Variants in KCND3 observed in about 807,000 individuals in gnomAD.
KCND3 encodes the protein A-type voltage-gated potassium channel KCND3.
Under a neutral mutation model 51.1 loss-of-function variants are expected in KCND3, and 9 were observed. That is an observed-to-expected ratio of 0.18 (90% confidence interval 0.11 to 0.31). The LOEUF (loss-of-function observed/expected upper bound fraction) is 0.31, where lower values mean the gene tolerates loss of function less well. Ranked by LOEUF, KCND3 falls within the 10% of genes least tolerant of loss-of-function variation. The pLI, the probability that KCND3 is intolerant of heterozygous loss-of-function variation, is 1.00. For missense variants in KCND3, 526 were observed against 903.8 expected, an observed-to-expected ratio of 0.58 and a Z score of 5.36; for synonymous variants, 349 against 368.0, an observed-to-expected ratio of 0.95 and a Z score of 0.59.
At chr1:111,971,870 G>T (rs922296088) in intron 2 of KCND3, among the ~76,000 whole-genome samples, 2 of 152,114 alleles carry the variant, frequency 1.3e-5, no homozygotes, top group African/African-American at 4.8e-5. Context: ...CTCTTCCGGG[G>T]TGTCATTCCA....
chr1:111,790,976 A>G (rs1664801658), intron 2 of KCND3, among the ~76,000 whole-genome samples: 1 of 152,208 alleles, frequency 6.6e-6, no homozygotes, highest in African/African-American at 2.4e-5. Context: ...TCATCAGTTG[A>G]TGACATTTGG....
At chr1:111,792,810 C>T (rs1285306627) in intron 2 of KCND3, among the ~76,000 whole-genome samples, 1 of 151,488 alleles carries the variant, frequency 6.6e-6, no homozygotes, top group Non-Finnish European at 1.5e-5. Context: ...TCCAGACCAC[C>T]ATACTTTCTA....
At chr1:111,963,207 T>A (rs908896626) in intron 2 of KCND3, among the ~76,000 whole-genome samples, 2 of 152,234 alleles carry the variant, frequency 1.3e-5, no homozygotes, top group African/African-American at 4.8e-5. Flanking sequence ...TAAATGTTTA[T>A]GATTTAAGCC....
chr1:111,948,556 C>T (rs1156979152), intron 2 of KCND3, among the ~76,000 whole-genome samples: 2 of 152,114 alleles, frequency 1.3e-5, no homozygotes, highest in Non-Finnish European at 2.9e-5. Context: ...CTTTTTTCCC[C>T]CTGGGTTGGA....
chr1:111,878,814 C>T (rs1322600852), intron 2 of KCND3, among the ~76,000 whole-genome samples: 1 of 152,164 alleles, frequency 6.6e-6, no homozygotes, highest in African/African-American at 2.4e-5. Flanking sequence ...GTCAAGGCCA[C>T]AGGGTGCCCA....
chr1:111,886,409 A>G (rs1014861469), intron 2 of KCND3, among the ~76,000 whole-genome samples: 2 of 152,220 alleles, frequency 1.3e-5, no homozygotes, highest in African/African-American at 4.8e-5. Flanking sequence ...AAACCATGAA[A>G]AATATGGGGA....
At chr1:111,985,978 T>C (rs1045820124) in intron 1 of KCND3, among the ~76,000 whole-genome samples, 1 of 152,196 alleles carries the variant, frequency 6.6e-6, no homozygotes, top group African/African-American at 2.4e-5. Context: ...CAGTGGGTAA[T>C]CCACATGCTA....
chr1:111,985,300 C>T (rs1675211370), intron 1 of KCND3, among the ~76,000 whole-genome samples: 1 of 152,102 alleles, frequency 6.6e-6, no homozygotes, highest in South Asian at 2.1e-4. Flanking sequence ...CACTGTAGGC[C>T]ATGTTTTGCC....
Position 111,778,330 on chromosome 1 carries a change from TCAG to T in KCND3, c.1518+103_1518+105del. The T allele has an allele frequency of 1.1e-5, 11 of 1,037,204 alleles. No individual in the cohort carries two copies. In the Middle Eastern group the frequency reaches 8.1e-4, roughly 76 times the overall value. 64.3% of individuals were successfully genotyped at this position (1,037,204 alleles called of 1,614,324 possible). The stretch of plus-strand genomic sequence containing the variant: ...AGAGGTAGGAGGAGCCCCAGAAGAA[TCAG>T]CAGCACATGCACAGAACCAGGCCGG... On this transcript the variant is annotated intron_variant, in intron 6 of 7. Coordinates refer to ENST00000302127, the MANE Select transcript of KCND3 (RefSeq NM_001378969.1).
intron 2 of KCND3, among the ~76,000 whole-genome samples, chr1:111,893,948 C>T (rs1669978962): frequency 6.6e-6 from 1 of 152,188 alleles, no homozygotes; most frequent in African/African-American, 2.4e-5. Flanking sequence ...CCCCATCACT[C>T]AGACACTGCA....
intron 2 of KCND3, among the ~76,000 whole-genome samples, chr1:111,943,668 C>T (rs1672640241): frequency 6.6e-6 from 1 of 152,140 alleles, no homozygotes; most frequent in Non-Finnish European, 1.5e-5. Flanking sequence ...CAGTCCCGAG[C>T]CTAGATGGGA....
intron 2 of KCND3, among the ~76,000 whole-genome samples, chr1:111,980,403 T>C (rs1322602042): frequency 6.6e-6 from 1 of 152,140 alleles, no homozygotes; most frequent in African/African-American, 2.4e-5. Flanking sequence ...GTAATCATTT[T>C]AAAAGGTCTC....
intron 2 of KCND3, among the ~76,000 whole-genome samples, chr1:111,939,335 C>T (rs1019492677): frequency 6.6e-6 from 1 of 152,146 alleles, no homozygotes; most frequent in Non-Finnish European, 1.5e-5. Context: ...ACCCATCAAC[C>T]TGTCATCTAT....
At chr1:111,894,939 G>C (rs1670025209) in intron 2 of KCND3, among the ~76,000 whole-genome samples, 1 of 151,778 alleles carries the variant, frequency 6.6e-6, no homozygotes, top group Non-Finnish European at 1.5e-5. Flanking sequence ...AGGGAGAAGA[G>C]GAGGAAGAAA....
chr1:111,911,181 T>G (rs1670927840), intron 2 of KCND3, among the ~76,000 whole-genome samples: 1 of 152,210 alleles, frequency 6.6e-6, no homozygotes, highest in Non-Finnish European at 1.5e-5. Flanking sequence ...AGTGGCCAAG[T>G]CTTTTGCATG....
chr1:111,956,663 C>T (rs9429430), intron 2 of KCND3, among the ~76,000 whole-genome samples: 38 of 152,140 alleles, frequency 2.5e-4, no homozygotes, highest in Non-Finnish European at 5.3e-4. Flanking sequence ...TCCCAGCCCT[C>T]CCCCACTTCC....
chr1:111,987,763 G>T (rs891598190), intron 1 of KCND3, among the ~76,000 whole-genome samples: 2 of 152,142 alleles, frequency 1.3e-5, no homozygotes, highest in Non-Finnish European at 2.9e-5. Flanking sequence ...AAATGCCAAG[G>T]TTTTACTAGG....
chr1:111,861,349 T>C (rs999073072), intron 2 of KCND3, among the ~76,000 whole-genome samples: 3 of 152,018 alleles, frequency 2.0e-5, no homozygotes, highest in Non-Finnish European at 4.4e-5. Context: ...GGCTGAGAGA[T>C]TGAGGCACAT....
chr1:111,923,914 G>A lies in KCND3; in HGVS notation c.1106+57707C>T, dbSNP rs897978097. On this transcript the variant is annotated intron_variant, in intron 2 of 7. Coordinates refer to ENST00000302127, the MANE Select transcript of KCND3 (RefSeq NM_001378969.1). ...CTTCAAGCACCACCATGCAGAGGGG[G>A]CTGGGCAGAGGGCATGGGAGTGTCT... Among the ~76,000 whole-genome samples, 15 of 152,324 alleles carry A rather than the reference G, an allele frequency of 9.8e-5. No individual in the cohort carries two copies. The East Asian group carries it at 2.7e-3, about 27-fold the overall frequency.
Sources: allele counts gnomAD v4.1 joint callset (sites outside exome capture counted in the v4.1 genomes callset), GRCh38; gene constraint gnomAD v4.1.1; transcripts MANE v1.5; gene names NCBI Gene and HGNC (gene_info 2026-07-23, HGNC 2026-07-21).